The following CDH13 variants were observed in gnomAD, a reference collection of about 807,000 sequenced individuals.
The protein encoded by CDH13 is cadherin-13.
CDH13 carries 24 observed loss-of-function variants against 63.8 expected under a neutral mutation model. That is an observed-to-expected ratio of 0.38 (90% CI 0.27 to 0.53). CDH13 has a LOEUF of 0.53. CDH13 is among the 20% of genes least tolerant of loss of function. The probability of loss-of-function intolerance (pLI) is 0.85; values close to 1 mark genes in which losing one functional copy is unlikely to be tolerated. For missense variants in CDH13, 1,049 were observed against 903.1 expected (o/e 1.16, Z -2.07); for synonymous variants, 503 against 355.3 (o/e 1.42, Z -4.67).
chr16:83,216,009 C>G (rs574800136), intron 4 of CDH13, among the ~76,000 whole-genome samples: 1 of 150,002 alleles, frequency 6.7e-6, no homozygotes, highest in African/African-American at 2.5e-5. Flanking sequence ...TTGACCCCAA[C>G]TGCTTCTCAG....
chr16:83,440,411 C>T (rs573893980), intron 6 of CDH13, among the ~76,000 whole-genome samples: 56 of 152,192 alleles, frequency 3.7e-4, no homozygotes, highest in African/African-American at 1.3e-3. Flanking sequence ...AGCCTTGTGC[C>T]CCCAACACTG....
At chr16:83,062,386 C>G (rs755832234) in intron 3 of CDH13, among the ~76,000 whole-genome samples, 2 of 152,100 alleles carry the variant, frequency 1.3e-5, no homozygotes, top group Non-Finnish European at 1.5e-5. Context: ...CCTACCATGT[C>G]CTTAACATTT....
At chr16:82,715,882 C>G (rs569493221) in intron 1 of CDH13, among the ~76,000 whole-genome samples, 2 of 152,342 alleles carry the variant, frequency 1.3e-5, no homozygotes, top group Non-Finnish European at 2.9e-5. Flanking sequence ...CCCAGTCCAA[C>G]TCCAGGAATG....
chr16:83,048,102 G>T (rs1000912192), intron 3 of CDH13, among the ~76,000 whole-genome samples: 1 of 152,206 alleles, frequency 6.6e-6, no homozygotes, highest in Admixed American at 6.5e-5. Flanking sequence ...AATATAATCT[G>T]TGTCGTCCTG....
At chr16:83,346,792 G>T (rs1306961689) in intron 6 of CDH13, among the ~76,000 whole-genome samples, 2 of 152,080 alleles carry the variant, frequency 1.3e-5, no homozygotes, top group African/African-American at 4.8e-5. Context: ...TTTTATGTAT[G>T]TTTTTTGTGT....
At chr16:83,721,279 T>C (rs1045698476) in intron 10 of CDH13, 3 of 152,212 alleles carry the variant, frequency 2.0e-5, no homozygotes, top group Non-Finnish European at 4.4e-5. Flanking sequence ...GATTGGAGAA[T>C]TGAGTCACGA....
rs2073071066 is a variant in CDH13 at position 83,458,034 on chromosome 16, T to C, written c.782-28443T>C. On this transcript the variant is annotated intron_variant, in intron 6 of 13. Coordinates refer to ENST00000567109, the MANE Select transcript of CDH13 (RefSeq NM_001257.5). ...AGCTCTGGGTCTCTTAAGATGGCCC[T>C]GGTGTGCTAAGTGCACCAGAGGTAG... Among the ~76,000 whole-genome samples the C allele has an allele frequency of 2.6e-5, 4 of 152,180 alleles. No homozygotes were observed. In the South Asian group the frequency reaches 8.3e-4, roughly 32 times the overall value.
At chr16:83,239,444 C>T (rs980436389) in intron 5 of CDH13, among the ~76,000 whole-genome samples, 1 of 152,182 alleles carries the variant, frequency 6.6e-6, no homozygotes, top group Admixed American at 6.5e-5. Context: ...ATTCACATGA[C>T]TGTCTTTAAC....
chr16:83,332,704 T>G (rs1458660970), intron 5 of CDH13, among the ~76,000 whole-genome samples: 1 of 152,118 alleles, frequency 6.6e-6, no homozygotes, highest in Non-Finnish European at 1.5e-5. Context: ...CAATTAAAAT[T>G]TTTAGCCTGT....
chr16:83,181,687 G>A (rs1450233300), intron 4 of CDH13, among the ~76,000 whole-genome samples: 2 of 152,106 alleles, frequency 1.3e-5, no homozygotes, highest in Admixed American at 6.6e-5. Flanking sequence ...AAGGCTTGTG[G>A]GACAGAGCTT....
At chr16:82,900,047 T>G (rs1314990279) in intron 2 of CDH13, among the ~76,000 whole-genome samples, 2 of 152,206 alleles carry the variant, frequency 1.3e-5, no homozygotes, top group Non-Finnish European at 2.9e-5. Flanking sequence ...TCTCTCTCTC[T>G]CTTGCTTTCT....
intron 5 of CDH13, among the ~76,000 whole-genome samples, chr16:83,252,008 T>A (rs558040974): frequency 6.6e-6 from 1 of 151,674 alleles, no homozygotes; most frequent in Non-Finnish European, 1.5e-5. Flanking sequence ...ATCCCCGGGA[T>A]GCATTGGATT....
At chr16:82,640,940 C>G (rs1271557748) in intron 1 of CDH13, among the ~76,000 whole-genome samples, 1 of 152,156 alleles carries the variant, frequency 6.6e-6, no homozygotes, top group African/African-American at 2.4e-5. Flanking sequence ...GATTGAATTC[C>G]TCTAAATAAA....
At chr16:82,753,875 C>A (rs1308063860) in intron 1 of CDH13, among the ~76,000 whole-genome samples, 4 of 152,168 alleles carry the variant, frequency 2.6e-5, no homozygotes, top group Non-Finnish European at 5.9e-5. Flanking sequence ...CACCAAGGGC[C>A]ATCTGTCTTT....
intron 7 of CDH13, among the ~76,000 whole-genome samples, chr16:83,496,768 A>G (rs1307188455): frequency 1.3e-5 from 2 of 152,192 alleles, no homozygotes; most frequent in South Asian, 2.1e-4. Flanking sequence ...TCATCTGACA[A>G]AGGGCTAATA....
intron 1 of CDH13, among the ~76,000 whole-genome samples, chr16:82,830,191 A>G (rs1472904756): frequency 1.3e-5 from 2 of 152,236 alleles, no homozygotes; most frequent in Non-Finnish European, 2.9e-5. Flanking sequence ...TTATAATAAA[A>G]GCCACTATCT....
intron 2 of CDH13, chr16:82,953,391 C>G (rs762144728): frequency 2.6e-5 from 4 of 152,110 alleles, no homozygotes; most frequent in Non-Finnish European, 5.9e-5. Flanking sequence ...GGGTTTCTAG[C>G]TCTTAGGAGA....
At chr16:82,855,787 G>C (rs2039658085) in intron 1 of CDH13, among the ~76,000 whole-genome samples, 1 of 152,160 alleles carries the variant, frequency 6.6e-6, no homozygotes. Context: ...TTTCTCTGAT[G>C]TTGTTCAGGC....
intron 1 of CDH13, among the ~76,000 whole-genome samples, chr16:82,737,286 C>G (rs767550361): frequency 1.3e-5 from 2 of 152,304 alleles, no homozygotes; most frequent in Non-Finnish European, 2.9e-5. Context: ...CAAGATGGAG[C>G]CCTCTCCCAT....
Sources: allele counts gnomAD v4.1 joint callset (sites outside exome capture counted in the v4.1 genomes callset), GRCh38; gene constraint gnomAD v4.1.1; transcripts MANE v1.5; gene names NCBI Gene and HGNC (gene_info 2026-07-23, HGNC 2026-07-21).